Variants in LEKR1 observed in about 807,000 individuals in gnomAD.
LEKR1 encodes the protein leucine, glutamate and lysine rich 1.
A neutral mutation model predicts 72.4 loss-of-function variants in LEKR1; 59 were observed. That is an observed-to-expected ratio of 0.82 (90% CI 0.66 to 1.01). The LOEUF (loss-of-function observed/expected upper bound fraction) is 1.01. LEKR1 is among the 50% of genes least tolerant of loss of function. The pLI is 0.00. For missense variants in LEKR1, 728 were observed against 759.2 expected (o/e 0.96, Z 0.48); for synonymous variants, 257 against 263.2 (o/e 0.98, Z 0.23).
intron 12 of LEKR1, among the ~76,000 whole-genome samples, chr3:157,042,985 G>A (rs1033917930): frequency 6.6e-6 from 1 of 152,248 alleles, no homozygotes. Context: ...TTGGATCATA[G>A]GGGCAGTTTC....
At chr3:156,968,296 G>C (rs932496569) in intron 6 of LEKR1, among the ~76,000 whole-genome samples, 1 of 152,116 alleles carries the variant, frequency 6.6e-6, no homozygotes, top group Non-Finnish European at 1.5e-5. Flanking sequence ...AAATGTAAAT[G>C]GACTAAATGT....
chr3:156,990,339 A>T (rs1334232055), intron 7 of LEKR1, among the ~76,000 whole-genome samples: 2 of 152,160 alleles, frequency 1.3e-5, no homozygotes, highest in Non-Finnish European at 2.9e-5. Flanking sequence ...TGATCACCTG[A>T]TCAAGATGTT....
Position 156,995,966 on chromosome 3 carries a change from C to T in LEKR1, c.1109+2689C>T, listed in dbSNP as rs560552952. ...TACTTTCAGATTTTGTCTGCCTTGT[C>T]CTCTAACTGCCCAGAGCCTGCCACA... is the stretch of plus-strand genomic sequence containing the variant. On this transcript the variant is annotated intron_variant, in intron 9 of 12. Coordinates refer to ENST00000356539, the MANE Select transcript of LEKR1 (RefSeq NM_001004316.3). 4.6e-5 allele frequency among the ~76,000 whole-genome samples: 7 copies of T among 152,220 alleles called. No homozygotes were observed. The East Asian group carries it at 1.4e-3, about 29-fold the overall frequency.
At chr3:156,912,285 C>G (rs778406784) in intron 3 of LEKR1, among the ~76,000 whole-genome samples, 1 of 151,988 alleles carries the variant, frequency 6.6e-6, no homozygotes, top group African/African-American at 2.4e-5. Context: ...TATCCTGTGC[C>G]CCTCTCCCAG....
chr3:156,949,048 T>A (rs1576881971), intron 6 of LEKR1, among the ~76,000 whole-genome samples: 1 of 151,532 alleles, frequency 6.6e-6, no homozygotes, highest in Non-Finnish European at 1.5e-5. Context: ...TACTTTTAGA[T>A]CCTTGATAAT....
chr3:156,899,621 TACACATATATAC>T (rs1721742887), intron 3 of LEKR1, among the ~76,000 whole-genome samples: 1 of 99,104 alleles, frequency 1.0e-5, no homozygotes, highest in Non-Finnish European at 2.1e-5. Flanking sequence ...CACACATATA[TACACATATATAC>T]ACGCATATAT....
intron 3 of LEKR1, among the ~76,000 whole-genome samples, chr3:156,901,254 A>C (rs2108563555): frequency 6.6e-6 from 1 of 151,374 alleles, no homozygotes; most frequent in Non-Finnish European, 1.5e-5. Context: ...GTCTGCTTTC[A>C]GCAGTACTTG....
chr3:156,854,335 A>G (rs56239728), intron 3 of LEKR1, among the ~76,000 whole-genome samples: 10,049 of 150,754 alleles, frequency 0.067, 405 homozygotes, highest in African/African-American at 0.11. Context: ...TAGTAGAGAC[A>G]GGGTTTCACC....
At chr3:156,984,898 G>A (rs1730543341) in intron 7 of LEKR1, among the ~76,000 whole-genome samples, 1 of 151,906 alleles carries the variant, frequency 6.6e-6, no homozygotes, top group African/African-American at 2.4e-5. Flanking sequence ...AACAGCATCT[G>A]ACAGTTGACC....
chr3:156,890,565 T>G lies in LEKR1; in HGVS notation c.264-30010T>G, dbSNP rs553824078. On this transcript the variant is annotated intron_variant, in intron 3 of 12. Coordinates refer to ENST00000356539, the MANE Select transcript of LEKR1 (RefSeq NM_001004316.3). ...GAATAATTCACATTATATATTTTTC[T>G]GAAGTTGGTAAACAGAAATTATATT... Among the ~76,000 whole-genome samples, 4 of 152,342 alleles carry G rather than the reference T, an allele frequency of 2.6e-5. No individual in the cohort carries two copies. The South Asian group carries it at 8.3e-4, about 32-fold the overall frequency.
intron 4 of LEKR1, among the ~76,000 whole-genome samples, chr3:156,921,247 G>A (rs10755110): frequency 0.99 from 151,246 of 152,218 alleles, 75,140 homozygotes; most frequent in Middle Eastern, 1. Flanking sequence ...AGAAAGAATA[G>A]TTCCTTTTTG....
chr3:157,003,530 T>C (rs1732177326), intron 9 of LEKR1, among the ~76,000 whole-genome samples: 2 of 152,168 alleles, frequency 1.3e-5, no homozygotes, highest in South Asian at 4.1e-4. Flanking sequence ...TCCTTACATC[T>C]TCCATCTGTT....
chr3:157,033,942 C>G (rs1276131720), intron 12 of LEKR1, among the ~76,000 whole-genome samples: 2 of 152,020 alleles, frequency 1.3e-5, no homozygotes, highest in African/African-American at 4.8e-5. Context: ...TATGCTAAAT[C>G]TACTCTACTC....
At chr3:156,939,240 A>G (rs2108580064) in intron 5 of LEKR1, among the ~76,000 whole-genome samples, 2 of 152,248 alleles carry the variant, frequency 1.3e-5, no homozygotes, top group South Asian at 4.1e-4. Context: ...TCATAAGAAG[A>G]AGAAATCTGT....
chr3:156,943,411 A>T (rs1394923665), intron 6 of LEKR1, among the ~76,000 whole-genome samples: 1 of 151,902 alleles, frequency 6.6e-6, no homozygotes, highest in Non-Finnish European at 1.5e-5. Context: ...AGTGTGCTAG[A>T]CACTTTATGT....
chr3:156,977,174 C>T (rs1239459818), intron 6 of LEKR1, among the ~76,000 whole-genome samples: 2 of 152,228 alleles, frequency 1.3e-5, no homozygotes, highest in Non-Finnish European at 2.9e-5. Context: ...CTCCATGCCA[C>T]CGGTGATGGC....
chr3:156,953,320 G>T, intron 6 of LEKR1, among the ~76,000 whole-genome samples: 1 of 151,412 alleles, frequency 6.6e-6, no homozygotes, highest in East Asian at 1.9e-4. Context: ...ATTAATGAAT[G>T]AATATTGACA....
intron 6 of LEKR1, among the ~76,000 whole-genome samples, chr3:156,952,465 C>T (rs562667382): frequency 6.6e-6 from 1 of 151,364 alleles, no homozygotes; most frequent in Non-Finnish European, 1.5e-5. Context: ...CCTTCAAAAA[C>T]GCTGTCAAAG....
At chr3:157,001,035 T>C (rs140934597) in intron 9 of LEKR1, among the ~76,000 whole-genome samples, 1 of 152,326 alleles carries the variant, frequency 6.6e-6, no homozygotes, top group African/African-American at 2.4e-5. Flanking sequence ...TCTTCTGCCA[T>C]GATTTGCCAT....
Sources: gnomAD v4.1 joint callset for allele counts (sites outside exome capture counted in the v4.1 genomes callset) on GRCh38, gnomAD v4.1.1 for gene constraint, MANE v1.5 for transcripts, NCBI Gene and HGNC (gene_info 2026-07-23, HGNC 2026-07-21) for gene names.